AQP4: variants seen among roughly 807,000 people sequenced by gnomAD.
The protein encoded by AQP4 is aquaporin-4.
In AQP4, 18 loss-of-function variants were observed where a neutral mutation model predicts 27.8. That is an observed-to-expected ratio of 0.65 (90% CI 0.45 to 0.96). The LOEUF (loss-of-function observed/expected upper bound fraction) is 0.96, where lower values mean the gene tolerates loss of function less well. AQP4 is among the 40% of genes least tolerant of loss of function. AQP4 has a pLI of 0.00. For synonymous variants in AQP4, 141 were observed against 142.9 expected, an observed-to-expected ratio of 0.99 and a Z score of 0.10; for missense variants, 412 against 408.2, an observed-to-expected ratio of 1.01 and a Z score of -0.08.
At chr18:26,864,228 T>A (rs2055014651) in intron 1 of AQP4, among the ~76,000 whole-genome samples, 1 of 152,218 alleles carries the variant, frequency 6.6e-6, no homozygotes, top group South Asian at 2.1e-4. Context: ...TCACTGAATG[T>A]TCCCGGGAAC....
intron 1 of AQP4, 137 bp from the exon 2 acceptor site, chr18:26,862,733 C>A: frequency 8.8e-7 from 1 of 1,130,542 alleles, no homozygotes; most frequent in Non-Finnish European, 1.3e-6. Context: ...AGAAAGAATG[C>A]TTCTGCTAAA....
In AQP4 at chr18:26,860,825, G is replaced by T. The variant is rs1166313518; in HGVS notation, c.640C>A (p.Pro214Thr). ...AINYTGASMN[P>T]ARSFGPAVIM... ...ACTGCAGGTCCAAAGGATCGGGCGG[G>T]ATTCATGCTGGCACCAGTATAATTG... The change falls in exon 4 of 5, where the codon CCC becomes ACC. Residue 214 changes from proline (P) to threonine (T), a missense_variant. Transcript: ENST00000383168. 1 of 1,613,926 alleles carries T rather than the reference G, an allele frequency of 6.2e-7. No homozygotes were observed. The highest frequency in any genetic ancestry group is 1.3e-5 in the African/African-American group (1 of 74,888).
chr18:26,864,004 G>T (rs1339731785), intron 1 of AQP4, among the ~76,000 whole-genome samples: 3 of 151,034 alleles, frequency 2.0e-5, no homozygotes, highest in Non-Finnish European at 3.0e-5. Context: ...TGGGGGGGGG[G>T]GGCAATTACC....
In AQP4 at chr18:26,852,663, A is replaced by G. The variant is rs2054771550; in HGVS notation, c.*3548T>C. On this transcript the variant is annotated 3_prime_UTR_variant, in exon 5 of 5. Transcript: ENST00000383168. Reference sequence around the variant, plus strand: ...CTAAACTCACAAAATTTGTGGTAACAAAAGAGAGTTTTGTTACATTACACT... The same window carrying G: ...CTAAACTCACAAAATTTGTGGTAACGAAAGAGAGTTTTGTTACATTACACT... 5.1e-6 allele frequency: 2 copies of G among 395,148 alleles called. No individual in the cohort carries two copies. Among genetic ancestry groups the G allele is most frequent in the Admixed American group, 4.4e-5 (1 of 22,674 alleles). The allele number at this position is 395,148 out of a possible 1,614,324, so 24.5% of individuals were successfully genotyped here.
At position 26,854,323 on chromosome 18, in the gene AQP4, C is replaced by G. The variant is rs974063225; in HGVS notation, c.*1888G>C. 3.3e-5 allele frequency: 5 copies of G among 152,192 alleles called. No individual in the cohort carries two copies. Among genetic ancestry groups the G allele is most frequent in the Non-Finnish European group, 4.4e-5 (3 of 68,044 alleles). 9.4% of individuals were successfully genotyped at this position (152,192 alleles called of 1,614,324 possible). A position where few individuals can be genotyped will look rare whatever the true frequency, so the allele number is the denominator to read the frequency against. On this transcript the variant is annotated 3_prime_UTR_variant, in exon 5 of 5. Coordinates refer to ENST00000383168, the MANE Select transcript of AQP4 (RefSeq NM_001650.7). The stretch of plus-strand genomic sequence containing the variant: ...GATATTACCTTTTGAACTGAACCAC[C>G]CTGATTTTAAGCCTCTAAGTGGTAT...
At position 26,856,042 on chromosome 18, in the gene AQP4, G is replaced by A. The variant is rs569572337; in HGVS notation, c.*169C>T. 94 of 832,452 alleles carry A rather than the reference G, an allele frequency of 1.1e-4. 1 individual carries two copies. The highest frequency in any genetic ancestry group is 7.2e-4 in the South Asian group (41 of 57,248). 51.6% of individuals were successfully genotyped at this position (832,452 alleles called of 1,614,324 possible). On this transcript the variant is annotated 3_prime_UTR_variant, in exon 5 of 5. Transcript: ENST00000383168. ...TTGGAATTCACAATAGGTTTCTTCC[G>A]TTCCTCCTTTGTAAATTATGAAATA...
intron 1 of AQP4, among the ~76,000 whole-genome samples, chr18:26,864,407 AG>A (rs3834827): frequency 6.6e-6 from 1 of 152,078 alleles, no homozygotes; most frequent in African/African-American, 2.4e-5. Flanking sequence ...CTGGCTCCAC[AG>A]GGGGGTGGCC....
At chr18:26,856,998 G>T (rs2054856621) in intron 4 of AQP4, among the ~76,000 whole-genome samples, 1 of 152,148 alleles carries the variant, frequency 6.6e-6, no homozygotes, top group African/African-American at 2.4e-5. Context: ...AGAGTTATGA[G>T]TGCTTGTATC....
At chr18:26,860,674 C>T in intron 4 of AQP4, 98 bp downstream of exon 4, 1 of 1,063,222 alleles carries the variant, frequency 9.4e-7, no homozygotes, top group South Asian at 1.3e-5. Context: ...TGGAGAAATG[C>T]AAGAGAAAGT....
chr18:26,856,470 A>T lies in AQP4; in HGVS notation c.713T>A (p.Ile238Asn). The T allele has an allele frequency of 7.4e-6, 12 of 1,614,236 alleles. No individual in the cohort carries two copies. The highest frequency in any genetic ancestry group is 9.3e-6 in the Non-Finnish European group (11 of 1,180,038). The change falls in exon 5 of 5, where the codon ATC (isoleucine) becomes AAC (asparagine). Residue 238 changes from isoleucine to asparagine, a missense_variant. Coordinates refer to ENST00000383168, the MANE Select transcript of AQP4 (RefSeq NM_001650.7). ...GCCACCAGCGAGGACAGCTCCTATG[A>T]TGGGCCCAACCCAATATATCTAAGG... ...ENHWIYWVGP[I>N]IGAVLAGGLY...
rs760110983 is a variant in AQP4 at position 26,861,174 on chromosome 18, G to T, written c.569C>A (p.Ala190Asp). Residue 190 changes from alanine to aspartate, a missense_variant, in exon 3 of 5, where the codon GCT becomes GAT. Ala to Asp is a moderately radical substitution (Grantham distance 126). Transcript: ENST00000383168. Reference protein sequence around the residue: ...SKRTDVTGSIALAIGFSVAIG... With the variant: ...SKRTDVTGSIDLAIGFSVAIG... Reference sequence around the variant, plus strand: ...TGCAACAGAAAATCCAATTGCTAAAGCTATTGAGCCAGTGACATCAGTCCG... The same window carrying T: ...TGCAACAGAAAATCCAATTGCTAAATCTATTGAGCCAGTGACATCAGTCCG... The T allele has an allele frequency of 6.2e-7, 1 of 1,614,100 alleles. No homozygotes were observed. Among genetic ancestry groups the T allele is most frequent in the Non-Finnish European group, 8.5e-7 (1 of 1,179,972 alleles).
chr18:26,863,306 G>C (rs1277528334), intron 1 of AQP4: 2 of 152,862 alleles, frequency 1.3e-5, no homozygotes, highest in African/African-American at 4.8e-5. Flanking sequence ...CACGCGCACC[G>C]CCCAGATCTG....
chr18:26,853,991 C>T lies in AQP4; in HGVS notation c.*2220G>A, dbSNP rs1210445932. On this transcript the variant is annotated 3_prime_UTR_variant, in exon 5 of 5. Transcript: ENST00000383168. The stretch of plus-strand genomic sequence containing the variant: ...AGATTAAAAGAAAATTATTTATATT[C>T]TTAAATCTCAAATGAGATTTATATA... 1.3e-5 allele frequency: 2 copies of T among 152,128 alleles called. No individual in the cohort carries two copies. Among genetic ancestry groups the T allele is most frequent in the Non-Finnish European group, 2.9e-5 (2 of 68,020 alleles). The allele number at this position is 152,128 out of a possible 1,614,324, so 9.4% of individuals were successfully genotyped here. A position where few individuals can be genotyped will look rare whatever the true frequency, so the allele number is the denominator to read the frequency against.
intron 3 of AQP4, 72 bp downstream of exon 3, chr18:26,861,056 CACA>C (rs2054932698): frequency 2.5e-6 from 4 of 1,570,570 alleles, no homozygotes; most frequent in Non-Finnish European, 3.5e-6. Flanking sequence ...TGCTGTAAAA[CACA>C]ACATCTTCAG....
chr18:26,857,096 G>A (rs902368659), intron 4 of AQP4, among the ~76,000 whole-genome samples: 1 of 152,122 alleles, frequency 6.6e-6, no homozygotes, highest in Non-Finnish European at 1.5e-5. Context: ...AGGATTAAAT[G>A]CAACAATACT....
Position 26,862,363 on chromosome 18 carries a change from C to T in AQP4, c.266G>A (p.Gly89Asp). The T allele has an allele frequency of 6.2e-7, 1 of 1,614,196 alleles. No individual in the cohort carries two copies. The highest frequency in any genetic ancestry group is 8.5e-7 in the Non-Finnish European group (1 of 1,180,044). Residue 89 changes from glycine to aspartate, a missense_variant, in exon 2 of 5, where the codon GGC becomes GAC. By Grantham distance (94) the Gly-to-Asp change is moderately conservative. Coordinates refer to ENST00000383168, the MANE Select transcript of AQP4 (RefSeq NM_001650.7). ...GTTGATGTGGCCACCGCTGATATGG[C>T]CAAAGCACTGCACCATGGTTGCAAT... ...LSIATMVQCF[G>D]HISGGHINPA...
rs2054761348 is a variant in AQP4 at position 26,852,141 on chromosome 18, A to G, written c.*4070T>C. 6.6e-6 allele frequency: 1 copy of G among 152,152 alleles called. No homozygotes were observed. Among genetic ancestry groups the G allele is most frequent in the Non-Finnish European group, 1.5e-5 (1 of 68,018 alleles). The allele number at this position is 152,152 out of a possible 1,614,324, so 9.4% of individuals were successfully genotyped here. A position where few individuals can be genotyped will look rare whatever the true frequency, so the allele number is the denominator to read the frequency against. On this transcript the variant is annotated 3_prime_UTR_variant, in exon 5 of 5. Transcript: ENST00000383168. ...TCAACCACAGTGCTAATACTTTAAT[A>G]TATTATTCCAAATATTAGACGTTAC...
Position 26,855,905 on chromosome 18 carries a change from G to C in AQP4, c.*306C>G. On this transcript the variant is annotated 3_prime_UTR_variant, in exon 5 of 5. Transcript: ENST00000383168. ...CGTGTCTTTGAGTTCTGTCAGGCAA[G>C]ACTTAACCAAATCTTGACACACGGT... 2.7e-6 allele frequency: 1 copy of C among 373,728 alleles called. No homozygotes were observed. The highest frequency in any genetic ancestry group is 5.0e-6 in the Non-Finnish European group (1 of 198,960). The allele number at this position is 373,728 out of a possible 1,614,324, so 23.2% of individuals were successfully genotyped here.
chr18:26,856,273 C>T lies in AQP4; in HGVS notation c.910G>A (p.Val304Ile), dbSNP rs1405904864. 23 of 1,614,082 alleles carry T rather than the reference C, an allele frequency of 1.4e-5. No homozygotes were observed. Among genetic ancestry groups the T allele is most frequent in the Admixed American group, 3.3e-5 (2 of 60,008 alleles). ...CCCTTCTTCTCCTCTCCCCGGTCAACGTCAATCACATGCACCACTCCAGGT... is the reference window on the plus strand; with the variant it reads ...CCCTTCTTCTCCTCTCCCCGGTCAATGTCAATCACATGCACCACTCCAGGT... ...LKPGVVHVID[V>I]DRGEEKKGKD... Residue 304 changes from valine to isoleucine, a missense_variant, in exon 5 of 5, where the codon GTT (valine) becomes ATT (isoleucine). Val to Ile is a conservative substitution (Grantham distance 29). Coordinates refer to ENST00000383168, the MANE Select transcript of AQP4 (RefSeq NM_001650.7).
Sources: gnomAD v4.1 joint callset for allele counts (sites outside exome capture counted in the v4.1 genomes callset) on GRCh38, gnomAD v4.1.1 for gene constraint, MANE v1.5 for transcripts, NCBI Gene and HGNC (gene_info 2026-07-23, HGNC 2026-07-21) for gene names.